The following CDKN2B-AS1 variants were observed in gnomAD, a reference collection of about 807,000 sequenced individuals.
CDKN2B-AS1 encodes CDKN2B and CDKN2A antisense cis and trans regulatory RNA 1, also known as CDKN2B antisense RNA 1 (non-protein coding).
chr9:22,102,572 C>T (rs1825522283), intron 4 of CDKN2B-AS1, among the ~76,000 whole-genome samples: 2 of 152,096 alleles, frequency 1.3e-5, no homozygotes, highest in African/African-American at 4.8e-5. Context: ...TGTTTTGTGG[C>T]TTGTGGCTGT....
chr9:22,115,729 A>T (rs1189665960), intron 4 of CDKN2B-AS1, among the ~76,000 whole-genome samples: 1 of 152,094 alleles, frequency 6.6e-6, no homozygotes. Context: ...CTTGGATCAC[A>T]TGGACTTGGG....
At chr9:22,016,764 G>T (rs1182025450) in intron 1 of CDKN2B-AS1, among the ~76,000 whole-genome samples, 8 of 152,150 alleles carry the variant, frequency 5.3e-5, no homozygotes, top group Admixed American at 4.6e-4. Flanking sequence ...GCTGAAACTG[G>T]ATCCCTTCCT....
At chr9:22,026,160 A>G (rs1587420966) in intron 1 of CDKN2B-AS1, among the ~76,000 whole-genome samples, 1 of 150,268 alleles carries the variant, frequency 6.7e-6, no homozygotes, top group South Asian at 2.1e-4. Flanking sequence ...TTCCCCTTCC[A>G]CCCCTGCTTA....
intron 1 of CDKN2B-AS1, among the ~76,000 whole-genome samples, chr9:22,040,748 C>CA (rs904364161): frequency 2.6e-5 from 4 of 152,018 alleles, no homozygotes; most frequent in African/African-American, 9.7e-5. Flanking sequence ...TAGCCACACT[C>CA]ACATGAATAC....
intron 1 of CDKN2B-AS1, among the ~76,000 whole-genome samples, chr9:22,011,716 G>T (rs867985994): frequency 9.2e-5 from 14 of 152,162 alleles, no homozygotes; most frequent in African/African-American, 2.9e-4. Context: ...CATTTCACAT[G>T]TAATACAATA....
At chr9:22,055,996 A>G (rs947476962) in intron 3 of CDKN2B-AS1, among the ~76,000 whole-genome samples, 14 of 151,818 alleles carry the variant, frequency 9.2e-5, no homozygotes, top group African/African-American at 7.3e-5. Flanking sequence ...GAAATACGTT[A>G]CAAAGTTGAT....
At chr9:22,035,215 T>G (rs1822640244) in intron 1 of CDKN2B-AS1, among the ~76,000 whole-genome samples, 1 of 152,144 alleles carries the variant, frequency 6.6e-6, no homozygotes, top group South Asian at 2.1e-4. Flanking sequence ...TGAGGGCAGC[T>G]GGAACTGTTT....
intron 4 of CDKN2B-AS1, among the ~76,000 whole-genome samples, chr9:22,079,172 A>G (rs1441886986): frequency 6.6e-6 from 1 of 152,198 alleles, no homozygotes; most frequent in Non-Finnish European, 1.5e-5. Context: ...ATTTCATTGG[A>G]GGCTGGAAAG....
chr9:22,086,406 G>GT (rs1279756002), intron 4 of CDKN2B-AS1, among the ~76,000 whole-genome samples: 2 of 151,884 alleles, frequency 1.3e-5, no homozygotes, highest in Non-Finnish European at 2.9e-5. Flanking sequence ...TCTAACCTCA[G>GT]TTTTTTTTGG....
At chr9:22,026,170 A>G (rs1181211946) in intron 1 of CDKN2B-AS1, among the ~76,000 whole-genome samples, 2 of 151,892 alleles carry the variant, frequency 1.3e-5, no homozygotes, top group African/African-American at 4.8e-5. Context: ...ACCCCTGCTT[A>G]AGCTCCCCAA....
chr9:22,112,943 T>A (rs891125696), intron 4 of CDKN2B-AS1, among the ~76,000 whole-genome samples: 1 of 152,192 alleles, frequency 6.6e-6, no homozygotes, highest in Non-Finnish European at 1.5e-5. Flanking sequence ...AGAAGGTTGG[T>A]ACTGTGCTTC....
chr9:22,066,753 TG>T (rs1824060890), intron 4 of CDKN2B-AS1, among the ~76,000 whole-genome samples: 1 of 152,008 alleles, frequency 6.6e-6, no homozygotes, highest in South Asian at 2.1e-4. Context: ...TCTCAGAAGC[TG>T]GAAAAGCAGC....
At chr9:22,098,785 G>A (rs568977923) in intron 4 of CDKN2B-AS1, among the ~76,000 whole-genome samples, 2 of 152,250 alleles carry the variant, frequency 1.3e-5, no homozygotes, top group South Asian at 4.1e-4. Context: ...GGCATCTTCT[G>A]ACTTCAGATC....
intron 1 of CDKN2B-AS1, among the ~76,000 whole-genome samples, chr9:22,031,588 G>A (rs1203429671): frequency 6.6e-6 from 1 of 152,000 alleles, no homozygotes; most frequent in African/African-American, 2.4e-5. Flanking sequence ...TTTGTATTTA[G>A]ACCTGATTAT....
At chr9:22,071,232 T>TGATA (rs1824273161) in intron 4 of CDKN2B-AS1, among the ~76,000 whole-genome samples, 1 of 146,432 alleles carries the variant, frequency 6.8e-6, no homozygotes, top group Admixed American at 7.0e-5. Flanking sequence ...GGTTAAAAAC[T>TGATA]GATACCAGGA....
intron 4 of CDKN2B-AS1, among the ~76,000 whole-genome samples, chr9:22,062,304 G>A (rs1215394386): frequency 6.6e-6 from 1 of 152,124 alleles, no homozygotes; most frequent in Non-Finnish European, 1.5e-5. Flanking sequence ...TTTTCAAAAG[G>A]GTCTTTATGT....
Position 22,005,667 on chromosome 9 carries a change from A to C in CDKN2B-AS1, n.29+10506A>C. ...AGATTCGTAGCCACCAGGTCCAGTC[A>C]AGGATTTCATATGCACTTTCCCTCA... On this transcript the variant is annotated intron_variant and non_coding_transcript_variant, in intron 1 of 4. Coordinates refer to ENST00000650946, the Ensembl canonical transcript of CDKN2B-AS1. This position sits in a 1 kb window ranked among gnomAD's most constrained non-coding sequence, Gnocchi z 4.9. The C allele has an allele frequency of 2.0e-6, 1 of 492,272 alleles. No homozygotes were observed. The highest frequency in any genetic ancestry group is 3.7e-6 in the Non-Finnish European group (1 of 268,152). 30.5% of individuals were successfully genotyped at this position (492,272 alleles called of 1,614,324 possible).
intron 1 of CDKN2B-AS1, chr9:22,008,915 G>T: frequency 6.2e-7 from 1 of 1,612,862 alleles, no homozygotes. Context: ...CCTCATCGCT[G>T]CCGCCCCCAC....
At chr9:22,071,008 G>T (rs1417570563) in intron 4 of CDKN2B-AS1, among the ~76,000 whole-genome samples, 12 of 152,022 alleles carry the variant, frequency 7.9e-5, no homozygotes, top group Admixed American at 7.9e-4. Context: ...GGGAAGATTA[G>T]GTCCTGGTGA....
Sources: gnomAD v4.1 joint callset for allele counts (sites outside exome capture counted in the v4.1 genomes callset) on GRCh38, gnomAD v4.1.1 for gene constraint, Gnocchi (gnomAD v3.1) non-coding constraint, MANE v1.5 for transcripts, NCBI Gene and HGNC (gene_info 2026-07-23, HGNC 2026-07-21) for gene names.